GOLGA7: variants seen among roughly 807,000 people sequenced by gnomAD.
The protein encoded by GOLGA7 is golgin A7.
A neutral mutation model predicts 21.1 loss-of-function variants in GOLGA7; 10 were observed. The observed-to-expected ratio is 0.47, with a 90% CI of 0.29 to 0.80. GOLGA7 has a LOEUF of 0.80. GOLGA7 is among the 30% of genes least tolerant of loss of function. The pLI, the probability that GOLGA7 is intolerant of heterozygous loss-of-function variation, is 0.08. For synonymous variants in GOLGA7, 64 were observed against 62.6 expected, an observed-to-expected ratio of 1.02 and a Z score of -0.10; for missense variants, 114 against 166.8, an observed-to-expected ratio of 0.68 and a Z score of 1.74.
chr8:41,507,613 A>C (rs1197200172), intron 4 of GOLGA7, among the ~76,000 whole-genome samples: 1 of 152,210 alleles, frequency 6.6e-6, no homozygotes, highest in Non-Finnish European at 1.5e-5. Context: ...TTACCTACTG[A>C]GTAGAAACAT....
rs763423574 is a variant in GOLGA7, at chr8:41,495,654, G to GA, written c.112-1844dup. 2.8e-3 allele frequency among the ~76,000 whole-genome samples: 365 copies of GA among 130,518 alleles called. 2 individuals carry two copies. Among genetic ancestry groups the GA allele is most frequent in the African/African-American group, 8.0e-3 (284 of 35,444 alleles). 85.6% of individuals were successfully genotyped at this position (130,518 alleles called of 152,430 possible). A position where few individuals can be genotyped will look rare whatever the true frequency, so the allele number is the denominator to read the frequency against. ...ATAGGTTCACAGAGACAGGAAAGGA[G>GA]AAAAAAAAAAAGCCAAACAAAAAAG... On this transcript the variant is annotated intron_variant, in intron 1 of 4. Coordinates refer to ENST00000357743, the MANE Select transcript of GOLGA7 (RefSeq NM_001002296.2).
intron 4 of GOLGA7, among the ~76,000 whole-genome samples, chr8:41,508,056 A>G (rs1393205087): frequency 6.6e-6 from 1 of 152,218 alleles, no homozygotes; most frequent in East Asian, 1.9e-4. Context: ...ATAGATGAGC[A>G]AACTTGGATA....
chr8:41,491,112 G>A lies in GOLGA7; in HGVS notation c.111+147G>A. The A allele has an allele frequency of 1.4e-5, 9 of 623,656 alleles. No homozygotes were observed. In the South Asian group the frequency reaches 1.7e-4, roughly 12 times the overall value. The allele number at this position is 623,656 out of a possible 1,614,324, so 38.6% of individuals were successfully genotyped here. On this transcript the variant is annotated intron_variant, in intron 1 of 4. Transcript: ENST00000357743. ...GAAGGGGCCTTGGCCAAACGTGTAA[G>A]AAGAGAGCCACTAAGCAAGACAGGT...
chr8:41,506,971 A>G lies in GOLGA7; in HGVS notation c.367-88A>G, dbSNP rs138122590. The G allele has an allele frequency of 1.1e-3, 835 of 746,272 alleles. 9 individuals carry two copies. In the African/African-American group the frequency reaches 0.012, roughly 11 times the overall value. The allele number at this position is 746,272 out of a possible 1,614,324, so 46.2% of individuals were successfully genotyped here. ...GAAAAATAAAGCAAACTGAAAGCAA[A>G]GTCTGCAGATCACACCCTCCACCTT... On this transcript the variant is annotated intron_variant, in intron 3 of 4. Transcript: ENST00000357743.
chr8:41,496,585 C>T (rs536344773), intron 1 of GOLGA7, among the ~76,000 whole-genome samples: 1 of 151,872 alleles, frequency 6.6e-6, no homozygotes, highest in East Asian at 1.9e-4. Context: ...AAGATAATTG[C>T]TTCAAAAGAG....
chr8:41,490,940 A>G lies in GOLGA7; in HGVS notation c.86A>G (p.Lys29Arg). 1.3e-6 allele frequency: 2 copies of G among 1,588,500 alleles called. No homozygotes were observed. The highest frequency in any genetic ancestry group is 2.3e-5 in the East Asian group (1 of 43,902). The change falls in exon 1 of 5, where the codon AAG (lysine) becomes AGG (arginine). Residue 29 changes from lysine (K) to arginine (R), a missense_variant. Coordinates refer to ENST00000357743, the MANE Select transcript of GOLGA7 (RefSeq NM_001002296.2). ...GGCACACGCTGCCAGTTCCAGACCA[A>G]GTTCCCTGCGGAGCTGGAGAACCGG... The part of the protein sequence containing the change: ...SSGTRCQFQT[K>R]FPAELENRID...
chr8:41,495,879 A>G (rs1806000277), intron 1 of GOLGA7, among the ~76,000 whole-genome samples: 2 of 152,332 alleles, frequency 1.3e-5, no homozygotes, highest in East Asian at 1.9e-4. Flanking sequence ...ACAAAGTACT[A>G]TTAGAAGACA....
rs1445274718 is a variant in GOLGA7 at position 41,506,536 on chromosome 8, A to G, written c.367-523A>G. Reference sequence around the variant, plus strand: ...GTGAATTTGGTAAATAAAATTGCAAAAAACTAATTTAGCTTGATAACTGGA... The same window carrying G: ...GTGAATTTGGTAAATAAAATTGCAAGAAACTAATTTAGCTTGATAACTGGA... On this transcript the variant is annotated intron_variant, in intron 3 of 4. Coordinates refer to ENST00000357743, the MANE Select transcript of GOLGA7 (RefSeq NM_001002296.2). 2.0e-5 allele frequency among the ~76,000 whole-genome samples: 3 copies of G among 152,278 alleles called. No homozygotes were observed. In the East Asian group the frequency reaches 5.8e-4, roughly 29 times the overall value.
chr8:41,493,182 T>C (rs1257608591), intron 1 of GOLGA7, among the ~76,000 whole-genome samples: 1 of 152,240 alleles, frequency 6.6e-6, no homozygotes, highest in Non-Finnish European at 1.5e-5. Context: ...TGATTGTCTG[T>C]GTATGTGTGT....
At chr8:41,503,044 A>G (rs1237483150) in intron 2 of GOLGA7, among the ~76,000 whole-genome samples, 2 of 152,032 alleles carry the variant, frequency 1.3e-5, no homozygotes, top group Non-Finnish European at 2.9e-5. Context: ...TTTAATTTTT[A>G]TTTTATTTTT....
chr8:41,496,067 G>A (rs898619775), intron 1 of GOLGA7, among the ~76,000 whole-genome samples: 2 of 152,100 alleles, frequency 1.3e-5, no homozygotes, highest in African/African-American at 4.8e-5. Flanking sequence ...TGGGATCCAA[G>A]TCTAAACACG....
At chr8:41,498,030 A>G (rs1187093097) in intron 2 of GOLGA7, among the ~76,000 whole-genome samples, 1 of 152,130 alleles carries the variant, frequency 6.6e-6, no homozygotes, top group Non-Finnish European at 1.5e-5. Flanking sequence ...TAGCTCCCGA[A>G]TTGCTGATTT....
chr8:41,497,610 T>G lies in GOLGA7; in HGVS notation c.213T>G (p.Ala71=). The part of the protein sequence containing the change: ...GGQSYLEGCL[A]CLTAYTIFLC... ...AGTCATATCTCGAAGGTTGTTTGGC[T>G]TGTTTAACAGCATATACCATCTTCC... is the stretch of plus-strand genomic sequence containing the variant. The change falls in exon 2 of 5, where the codon GCT becomes GCG. Residue 71 remains alanine (A), a synonymous_variant. Transcript: ENST00000357743. The G allele has an allele frequency of 6.3e-7, 1 of 1,583,466 alleles. No homozygotes were observed. The highest frequency in any genetic ancestry group is 1.7e-4 in the Middle Eastern group (1 of 6,006).
chr8:41,497,810 A>G, intron 2 of GOLGA7, 149 bp downstream of exon 2: 2 of 559,274 alleles, frequency 3.6e-6, no homozygotes, highest in East Asian at 2.8e-5. Context: ...ACAGAGGCAC[A>G]TAGTCCTGAG....
At chr8:41,498,771 T>C (rs1554539457) in intron 2 of GOLGA7, among the ~76,000 whole-genome samples, 2 of 152,242 alleles carry the variant, frequency 1.3e-5, no homozygotes, top group Non-Finnish European at 2.9e-5. Flanking sequence ...GACAATGCCT[T>C]AACCATTTTG....
chr8:41,503,877 G>T (rs1176552527), intron 2 of GOLGA7, among the ~76,000 whole-genome samples: 1 of 151,072 alleles, frequency 6.6e-6, no homozygotes, highest in African/African-American at 2.4e-5. Context: ...TTTGGCTTAG[G>T]ATTGACTTGG....
At chr8:41,501,944 A>G (rs2150443851) in intron 2 of GOLGA7, among the ~76,000 whole-genome samples, 1 of 152,336 alleles carries the variant, frequency 6.6e-6, no homozygotes, top group South Asian at 2.1e-4. Flanking sequence ...ATTTGTAGAC[A>G]TTGTGTAAGG....
At chr8:41,494,725 A>G (rs1805965724) in intron 1 of GOLGA7, among the ~76,000 whole-genome samples, 1 of 152,184 alleles carries the variant, frequency 6.6e-6, no homozygotes, top group Non-Finnish European at 1.5e-5. Context: ...AATCTCTAAT[A>G]TTCCTGGAAA....
Position 41,505,912 on chromosome 8 carries a change from T to C in GOLGA7, c.266T>C (p.Val89Ala), listed in dbSNP as rs1341271861. 3.3e-6 allele frequency: 5 copies of C among 1,532,306 alleles called. No homozygotes were observed. The highest frequency in any genetic ancestry group is 4.5e-6 in the Non-Finnish European group (5 of 1,111,270). The allele number at this position is 1,532,306 out of a possible 1,614,324, so 94.9% of individuals were successfully genotyped here. A position where few individuals can be genotyped will look rare whatever the true frequency, so the allele number is the denominator to read the frequency against. ...FLCMETHYEKVLKKVSKYIQE... is the reference protein window; with the variant it reads ...FLCMETHYEKALKKVSKYIQE... ...AGCTGTGGTGTTTCTTTCTGTCAGG[T>C]TCTGAAGAAAGTCTCCAAATACATT... Residue 89 changes from valine to alanine, a missense_variant and splice_region_variant, in exon 3 of 5, where the codon GTT becomes GCT. Physicochemically the swap from Val to Ala is moderately conservative, Grantham distance 64. Coordinates refer to ENST00000357743, the MANE Select transcript of GOLGA7 (RefSeq NM_001002296.2).
Sources: gnomAD v4.1 joint callset for allele counts (sites outside exome capture counted in the v4.1 genomes callset) on GRCh38, gnomAD v4.1.1 for gene constraint, MANE v1.5 for transcripts, NCBI Gene and HGNC (gene_info 2026-07-23, HGNC 2026-07-21) for gene names.